CEP112: variants seen among roughly 807,000 people sequenced by gnomAD.
CEP112 encodes the protein centrosomal protein of 112 kDa.
In CEP112, 127 loss-of-function variants were observed where a neutral mutation model predicts 153.0. The observed-to-expected ratio is 0.83, with a 90% CI of 0.72 to 0.96. The LOEUF (loss-of-function observed/expected upper bound fraction) is 0.96. Ranked by LOEUF, CEP112 falls within the 40% of genes least tolerant of loss-of-function variation. The pLI is 0.00. For missense variants in CEP112, 1,089 were observed against 1,101.2 expected (o/e 0.99, Z 0.16); for synonymous variants, 358 against 374.4 (o/e 0.96, Z 0.51).
intron 18 of CEP112, among the ~76,000 whole-genome samples, chr17:65,937,260 T>C (rs542600696): frequency 4.5e-5 from 4 of 89,130 alleles, no homozygotes; most frequent in African/African-American, 7.9e-5. Flanking sequence ...GTGAGGAGCG[T>C]CTCTGCCTGG....
chr17:65,904,436 C>T lies in CEP112; in HGVS notation c.1981-2102G>A, dbSNP rs576055445. ...CTTCAAGGAGAACTACAAACCACTG[C>T]TCAAGGAAATCAGACAGGACACAAA... On this transcript the variant is annotated intron_variant, in intron 19 of 26. Transcript: ENST00000535342. Among the ~76,000 whole-genome samples, 6 of 152,296 alleles carry T rather than the reference C, an allele frequency of 3.9e-5. No individual in the cohort carries two copies. The South Asian group carries it at 1.2e-3, about 32-fold the overall frequency.
At chr17:65,658,854 C>G (rs565370384) in intron 24 of CEP112, among the ~76,000 whole-genome samples, 4 of 151,412 alleles carry the variant, frequency 2.6e-5, no homozygotes, top group East Asian at 1.9e-4. Context: ...GTTAGGAGAG[C>G]GGGGAGCAAG....
chr17:66,159,202 T>G (rs1430094624), intron 4 of CEP112, among the ~76,000 whole-genome samples: 2 of 152,144 alleles, frequency 1.3e-5, no homozygotes, highest in African/African-American at 4.8e-5. Flanking sequence ...ATTGAGGCAG[T>G]AATTAATAGC....
At position 65,983,067 on chromosome 17, in the gene CEP112, G is replaced by A. The variant is rs78867228; in HGVS notation, c.1737-21469C>T. 4.7e-4 allele frequency among the ~76,000 whole-genome samples: 72 copies of A among 152,286 alleles called. 3 individuals are homozygous for A. In the East Asian group the frequency reaches 0.011, roughly 22 times the overall value. On this transcript the variant is annotated intron_variant, in intron 17 of 26. Transcript: ENST00000535342. ...TGGTTAGGAGGATCTGACAGAAGGC[G>A]GGGAATGGGAATCCACTGCCTAATA...
At chr17:65,656,719 C>A (rs935430328) in intron 24 of CEP112, among the ~76,000 whole-genome samples, 6 of 152,160 alleles carry the variant, frequency 3.9e-5, no homozygotes, top group Non-Finnish European at 8.8e-5. Flanking sequence ...GTGACTAGAC[C>A]AAGCTCCACT....
chr17:65,882,149 G>C (rs2059101608), intron 20 of CEP112, among the ~76,000 whole-genome samples: 1 of 152,246 alleles, frequency 6.6e-6, no homozygotes, highest in African/African-American at 2.4e-5. Context: ...AGTGCCCACA[G>C]GGCATGCACT....
intron 21 of CEP112, among the ~76,000 whole-genome samples, chr17:65,803,511 A>G (rs987425703): frequency 3.9e-5 from 6 of 152,346 alleles, no homozygotes; most frequent in Non-Finnish European, 7.4e-5. Context: ...AAGTTTCAAG[A>G]TGTAATTAAT....
intron 4 of CEP112, among the ~76,000 whole-genome samples, chr17:66,136,840 C>A (rs1401399110): frequency 6.6e-6 from 1 of 152,104 alleles, no homozygotes; most frequent in Non-Finnish European, 1.5e-5. Context: ...GACATATCCA[C>A]AGAAAAAGTT....
At chr17:65,800,431 T>C (rs1157207971) in intron 21 of CEP112, among the ~76,000 whole-genome samples, 1 of 152,238 alleles carries the variant, frequency 6.6e-6, no homozygotes, top group Admixed American at 6.5e-5. Context: ...TCATAGTATG[T>C]ATCAGGAACT....
At chr17:65,968,715 G>A (rs1038611349) in intron 17 of CEP112, among the ~76,000 whole-genome samples, 1 of 152,112 alleles carries the variant, frequency 6.6e-6, no homozygotes, top group African/African-American at 2.4e-5. Flanking sequence ...TGAAAACACT[G>A]AAACTTAGAA....
At chr17:65,732,620 A>G (rs1437630210) in intron 23 of CEP112, among the ~76,000 whole-genome samples, 1 of 152,246 alleles carries the variant, frequency 6.6e-6, no homozygotes, top group Non-Finnish European at 1.5e-5. Context: ...AGTCACCTTC[A>G]TCAATGACCT....
At chr17:65,674,096 C>T (rs1302408085) in intron 24 of CEP112, among the ~76,000 whole-genome samples, 2 of 152,176 alleles carry the variant, frequency 1.3e-5, no homozygotes, top group African/African-American at 2.4e-5. Context: ...AGGTTGGTCT[C>T]CTGACCTCAG....
chr17:65,664,744 C>T (rs758326593), intron 24 of CEP112, among the ~76,000 whole-genome samples: 2 of 152,188 alleles, frequency 1.3e-5, no homozygotes, highest in African/African-American at 2.4e-5. Flanking sequence ...ACACAGCATC[C>T]CCACTGAACT....
intron 4 of CEP112, among the ~76,000 whole-genome samples, chr17:66,150,079 T>G (rs1333179611): frequency 6.7e-6 from 1 of 148,646 alleles, no homozygotes; most frequent in Non-Finnish European, 1.5e-5. Flanking sequence ...TTTTTTTTTT[T>G]TAAGTAGAGA....
chr17:65,843,448 A>T (rs1033551443), intron 21 of CEP112, among the ~76,000 whole-genome samples: 1 of 152,192 alleles, frequency 6.6e-6, no homozygotes. Context: ...TTAGCAAAGG[A>T]AAAAGTCATG....
intron 4 of CEP112, among the ~76,000 whole-genome samples, chr17:66,136,226 G>A (rs1477109159): frequency 1.3e-5 from 2 of 152,206 alleles, no homozygotes; most frequent in Non-Finnish European, 2.9e-5. Context: ...GTTTGGACTA[G>A]TATGCAGTAA....
chr17:65,749,043 T>G (rs62063595), intron 22 of CEP112, among the ~76,000 whole-genome samples: 21,030 of 152,268 alleles, frequency 0.14, 1,735 homozygotes, highest in Non-Finnish European at 0.19. Context: ...TTCTTTTGAT[T>G]GCAAGAATCT....
intron 17 of CEP112, among the ~76,000 whole-genome samples, chr17:65,994,706 T>C (rs2063719849): frequency 6.6e-6 from 1 of 151,926 alleles, no homozygotes; most frequent in Non-Finnish European, 1.5e-5. Context: ...TGGGGGAAAA[T>C]AGGAAACACA....
At chr17:65,911,009 C>T (rs968693041) in intron 19 of CEP112, among the ~76,000 whole-genome samples, 1 of 152,156 alleles carries the variant, frequency 6.6e-6, no homozygotes. Flanking sequence ...ATGATGTGTA[C>T]AAAGTGTCAG....
Sources: gnomAD v4.1 joint callset for allele counts (sites outside exome capture counted in the v4.1 genomes callset) on GRCh38, gnomAD v4.1.1 for gene constraint, MANE v1.5 for transcripts, NCBI Gene and HGNC (gene_info 2026-07-23, HGNC 2026-07-21) for gene names.